The following PTPRD variants were observed in gnomAD, a reference collection of about 807,000 sequenced individuals.
The protein encoded by PTPRD is receptor-type tyrosine-protein phosphatase delta.
PTPRD carries 34 observed loss-of-function variants against 214.5 expected under a neutral mutation model. That is an observed-to-expected ratio of 0.16 (90% CI 0.12 to 0.21). The LOEUF (loss-of-function observed/expected upper bound fraction) is 0.21, where lower values mean the gene tolerates loss of function less well. PTPRD is among the 10% of genes least tolerant of loss of function. The pLI is 1.00. For synonymous variants in PTPRD, 1,128 were observed against 845.7 expected, an observed-to-expected ratio of 1.33 and a Z score of -5.79; for missense variants, 2,545 against 2,398.7, an observed-to-expected ratio of 1.06 and a Z score of -1.27.
intron 10 of PTPRD, among the ~76,000 whole-genome samples, chr9:9,060,390 A>C (rs990106622): frequency 3.9e-5 from 6 of 152,198 alleles, no homozygotes; most frequent in Non-Finnish European, 7.4e-5. Context: ...TGTTATAGGT[A>C]AAACAAATTT....
chr9:8,364,585 C>G (rs1268889624), intron 39 of PTPRD, among the ~76,000 whole-genome samples: 1 of 152,226 alleles, frequency 6.6e-6, no homozygotes, highest in African/African-American at 2.4e-5. Context: ...AAGGCAGCCA[C>G]TGTGAACCAG....
chr9:9,482,798 ATT>A (rs1180680157), intron 8 of PTPRD, among the ~76,000 whole-genome samples: 1 of 152,184 alleles, frequency 6.6e-6, no homozygotes, highest in Non-Finnish European at 1.5e-5. Context: ...TTAGGGCAGC[ATT>A]TTGTTTTGTT....
intron 10 of PTPRD, among the ~76,000 whole-genome samples, chr9:9,081,232 C>G (rs1013076402): frequency 6.6e-6 from 1 of 152,170 alleles, no homozygotes; most frequent in Middle Eastern, 3.4e-3. Flanking sequence ...TTATTTATTT[C>G]TGCCTTAATT....
intron 12 of PTPRD, among the ~76,000 whole-genome samples, chr9:8,694,049 A>C (rs2154384376): frequency 6.6e-6 from 1 of 152,330 alleles, no homozygotes; most frequent in Admixed American, 6.5e-5. Flanking sequence ...TGTACGTTTA[A>C]GTCTTCTTGT....
intron 7 of PTPRD, among the ~76,000 whole-genome samples, chr9:9,723,714 A>C (rs996372577): frequency 2.6e-5 from 4 of 152,092 alleles, no homozygotes; most frequent in African/African-American, 9.7e-5. Context: ...AAGTTTTCTG[A>C]ATATCAGTTT....
intron 5 of PTPRD, among the ~76,000 whole-genome samples, chr9:9,812,529 T>C (rs982433342): frequency 3.3e-5 from 5 of 150,208 alleles, no homozygotes; most frequent in Admixed American, 1.3e-4. Context: ...GTAGTACTTA[T>C]ATGAGACAAA....
intron 11 of PTPRD, among the ~76,000 whole-genome samples, chr9:8,968,320 G>A (rs1308411170): frequency 2.0e-5 from 3 of 152,084 alleles, no homozygotes; most frequent in Non-Finnish European, 4.4e-5. Context: ...GGTCCTTAAG[G>A]AATTGCCACA....
intron 5 of PTPRD, among the ~76,000 whole-genome samples, chr9:9,863,697 G>T (rs1600158601): frequency 6.6e-6 from 1 of 152,120 alleles, no homozygotes; most frequent in African/African-American, 2.4e-5. Flanking sequence ...ATATTTGTGA[G>T]AGGGCTATTG....
chr9:8,342,534 C>T (rs1853450141), intron 39 of PTPRD, among the ~76,000 whole-genome samples: 2 of 152,192 alleles, frequency 1.3e-5, no homozygotes, highest in South Asian at 2.1e-4. Flanking sequence ...TCTTCCTGAT[C>T]ATGCGGGTTT....
chr9:9,373,242 T>C (rs558343142), intron 9 of PTPRD, among the ~76,000 whole-genome samples: 1 of 152,220 alleles, frequency 6.6e-6, no homozygotes, highest in African/African-American at 2.4e-5. Context: ...GTGGACAAGC[T>C]ACTTAAACTC....
At chr9:8,997,789 T>G (rs1394425645) in intron 11 of PTPRD, among the ~76,000 whole-genome samples, 4 of 152,048 alleles carry the variant, frequency 2.6e-5, no homozygotes, top group Non-Finnish European at 2.9e-5. Context: ...CTAGTCAAAC[T>G]GTGAATGCAA....
chr9:8,820,876 C>G (rs562425092), intron 11 of PTPRD, among the ~76,000 whole-genome samples: 1 of 152,246 alleles, frequency 6.6e-6, no homozygotes, highest in South Asian at 2.1e-4. Flanking sequence ...ACTCCCTACA[C>G]GACAAGTCAA....
rs74528650 is a variant in PTPRD at position 10,130,795 on chromosome 9, T to C, written c.-544-97005A>G. ...GAACTATAGTGTGCAGATATGATCA[T>C]TTCCTCAGAGCCAAATTGTACTTTA... On this transcript the variant is annotated intron_variant, in intron 3 of 45. Transcript: ENST00000381196. 5.9e-3 allele frequency among the ~76,000 whole-genome samples: 902 copies of C among 152,232 alleles called. 4 individuals are homozygous for C. Among genetic ancestry groups the C allele is most frequent in the South Asian group, 0.021 (101 of 4,826 alleles).
At chr9:10,119,854 C>A (rs575556946) in intron 3 of PTPRD, among the ~76,000 whole-genome samples, 49 of 152,006 alleles carry the variant, frequency 3.2e-4, no homozygotes, top group African/African-American at 1.1e-3. Context: ...GGTACAGAGA[C>A]CTATTTGAAT....
intron 9 of PTPRD, among the ~76,000 whole-genome samples, chr9:9,264,194 CA>C (rs1937855369): frequency 6.6e-6 from 1 of 151,576 alleles, no homozygotes; most frequent in Non-Finnish European, 1.5e-5. Flanking sequence ...AATAATATTT[CA>C]GTATCCAACC....
intron 6 of PTPRD, among the ~76,000 whole-genome samples, chr9:9,760,963 T>C (rs1042812630): frequency 1.3e-5 from 2 of 152,180 alleles, no homozygotes; most frequent in African/African-American, 4.8e-5. Context: ...GAATATAAAA[T>C]GGTACAGCTA....
intron 7 of PTPRD, among the ~76,000 whole-genome samples, chr9:9,683,741 C>A (rs1008238448): frequency 6.6e-6 from 1 of 151,472 alleles, no homozygotes; most frequent in Non-Finnish European, 1.5e-5. Context: ...TAAGAATTCA[C>A]CTAGTGTTAT....
intron 11 of PTPRD, among the ~76,000 whole-genome samples, chr9:8,737,800 G>A (rs768216579): frequency 2.0e-4 from 31 of 152,066 alleles, no homozygotes; most frequent in East Asian, 3.9e-4. Context: ...ACAGGTGTGC[G>A]CCACCACGCC....
chr9:9,996,194 G>A (rs1275368218), intron 4 of PTPRD, among the ~76,000 whole-genome samples: 1 of 152,056 alleles, frequency 6.6e-6, no homozygotes, highest in African/African-American at 2.4e-5. Context: ...CCTTATATTG[G>A]TCTGATATCC....
Sources: allele counts gnomAD v4.1 joint callset (sites outside exome capture counted in the v4.1 genomes callset), GRCh38; gene constraint gnomAD v4.1.1; transcripts MANE v1.5; gene names NCBI Gene and HGNC (gene_info 2026-07-23, HGNC 2026-07-21).